The following CCAR1 variants were observed in gnomAD, a reference collection of about 807,000 sequenced individuals.
The protein encoded by CCAR1 is cell division cycle and apoptosis regulator protein 1.
A neutral mutation model predicts 163.8 loss-of-function variants in CCAR1; 78 were observed. The ratio of observed to expected loss-of-function variants is 0.48; its 90% CI spans 0.40 to 0.57. CCAR1 has a LOEUF of 0.57. Ranked by LOEUF, CCAR1 falls within the 20% of genes least tolerant of loss-of-function variation. CCAR1 has a pLI of 0.00. For missense variants in CCAR1, 1,019 were observed against 1,365.2 expected, an observed-to-expected ratio of 0.75 and a Z score of 4.00; for synonymous variants, 443 against 460.7, an observed-to-expected ratio of 0.96 and a Z score of 0.49.
At chr10:68,769,453 T>G (rs1009416227) in intron 17 of CCAR1, among the ~76,000 whole-genome samples, 2 of 152,104 alleles carry the variant, frequency 1.3e-5, no homozygotes, top group Non-Finnish European at 2.9e-5. Context: ...AAACCCCATC[T>G]CTACTAAAAA....
In CCAR1 at chr10:68,722,312, C is replaced by T. The variant is rs1237238259; in HGVS notation, c.-50-143C>T. Reference sequence around the variant, plus strand: ...TGCTGCATTTTGGATGTTCATTTGCCCTTTTTCTACTTAACAGTTGTTATT... The same window carrying T: ...TGCTGCATTTTGGATGTTCATTTGCTCTTTTTCTACTTAACAGTTGTTATT... On this transcript the variant is annotated intron_variant, in intron 1 of 24. Coordinates refer to ENST00000265872, the MANE Select transcript of CCAR1 (RefSeq NM_018237.4). The T allele has an allele frequency of 2.0e-5, 11 of 556,430 alleles. No individual in the cohort carries two copies. In the East Asian group the frequency reaches 2.3e-4, roughly 12 times the overall value. The allele number at this position is 556,430 out of a possible 1,614,324, so 34.5% of individuals were successfully genotyped here. A position where few individuals can be genotyped will look rare whatever the true frequency, so the allele number is the denominator to read the frequency against.
chr10:68,747,627 GC>G, intron 8 of CCAR1, 61 bp downstream of exon 8: 1 of 1,432,928 alleles, frequency 7.0e-7, no homozygotes, highest in South Asian at 1.3e-5. Context: ...ATGTAACTAT[GC>G]TTTTAATTAC....
intron 16 of CCAR1, among the ~76,000 whole-genome samples, chr10:68,762,395 G>A (rs1465836186): frequency 1.3e-5 from 2 of 151,924 alleles, no homozygotes; most frequent in Non-Finnish European, 2.9e-5. Flanking sequence ...CAGAAATTGA[G>A]TTCTAGTGAA....
At chr10:68,783,971 G>C (rs949582502) in intron 19 of CCAR1, among the ~76,000 whole-genome samples, 1 of 151,834 alleles carries the variant, frequency 6.6e-6, no homozygotes, top group Non-Finnish European at 1.5e-5. Flanking sequence ...TGTTAGCGAG[G>C]ATGGTCTCGA....
At chr10:68,725,358 A>G (rs1358373744) in intron 2 of CCAR1, among the ~76,000 whole-genome samples, 1 of 151,948 alleles carries the variant, frequency 6.6e-6, no homozygotes, top group East Asian at 1.9e-4. Context: ...AGATGGCACC[A>G]CTGTACTCCA....
In CCAR1 at chr10:68,761,112, AAAG is replaced by A; in HGVS notation, c.2032_2034del (p.Glu678del). The A allele has an allele frequency of 1.2e-6, 2 of 1,612,242 alleles. No individual in the cohort carries two copies. Among genetic ancestry groups the A allele is most frequent in the South Asian group, 1.1e-5 (1 of 90,800 alleles). ...AAAACAGCTTAAAGTAGAGGAACAAAAAGAAGAACAGAAGGAGTTAGAGAAATC... is the reference window on the plus strand; with the variant it reads ...AAAACAGCTTAAAGTAGAGGAACAAAAAGAACAGAAGGAGTTAGAGAAATC... On this transcript the variant is annotated inframe_deletion, in exon 16 of 25. Transcript: ENST00000265872.
chr10:68,723,078 T>G lies in CCAR1; in HGVS notation c.73+501T>G, dbSNP rs568337491. ...GTTTTACATAGTAGTTTGGACAGTT[T>G]TGTAGTTTTTTTTTTCCCCAAACAT... is the stretch of plus-strand genomic sequence containing the variant. On this transcript the variant is annotated intron_variant, in intron 2 of 24. Transcript: ENST00000265872. Among the ~76,000 whole-genome samples, 3 of 151,906 alleles carry G rather than the reference T, an allele frequency of 2.0e-5. No individual in the cohort carries two copies. In the South Asian group the frequency reaches 6.2e-4, roughly 32 times the overall value.
At chr10:68,769,144 T>G (rs1257447034) in intron 17 of CCAR1, among the ~76,000 whole-genome samples, 2 of 152,182 alleles carry the variant, frequency 1.3e-5, no homozygotes, top group Non-Finnish European at 2.9e-5. Flanking sequence ...ACCCAGCTAA[T>G]TTTTGTATTT....
chr10:68,742,212 A>AAT (rs2056192338), intron 5 of CCAR1, among the ~76,000 whole-genome samples, 164 bp from the exon 6 acceptor site: 1 of 152,210 alleles, frequency 6.6e-6, no homozygotes, highest in Non-Finnish European at 1.5e-5. Context: ...ATAGGCTAAA[A>AAT]ATAATTTATA....
At chr10:68,741,936 A>G (rs570082586) in intron 5 of CCAR1, among the ~76,000 whole-genome samples, 3 of 152,334 alleles carry the variant, frequency 2.0e-5, no homozygotes, top group East Asian at 3.9e-4. Flanking sequence ...CATAACTCCT[A>G]TTTTCAATAA....
chr10:68,738,323 G>T (rs1341576262), intron 4 of CCAR1, among the ~76,000 whole-genome samples: 2 of 152,152 alleles, frequency 1.3e-5, no homozygotes, highest in Non-Finnish European at 2.9e-5. Flanking sequence ...CTGAGACAGG[G>T]AGGCTGAGGC....
intron 22 of CCAR1, 21 bp from the exon 23 acceptor site, chr10:68,788,122 A>G: frequency 6.5e-7 from 1 of 1,533,396 alleles, no homozygotes; most frequent in South Asian, 1.3e-5. Context: ...TTACTAAAAT[A>G]TGGTATATTT....
intron 2 of CCAR1, among the ~76,000 whole-genome samples, chr10:68,725,027 A>C (rs1362046405): frequency 6.6e-6 from 1 of 152,090 alleles, no homozygotes; most frequent in Non-Finnish European, 1.5e-5. Context: ...AATCCCAACT[A>C]CTTGGGATGC....
chr10:68,780,986 C>G (rs531565048), intron 19 of CCAR1, among the ~76,000 whole-genome samples: 1 of 152,298 alleles, frequency 6.6e-6, no homozygotes, highest in South Asian at 2.1e-4. Flanking sequence ...AATCCCAGCA[C>G]TTTGGGAGGC....
At chr10:68,790,874 A>T (rs2133444482) in intron 24 of CCAR1, among the ~76,000 whole-genome samples, 1 of 151,842 alleles carries the variant, frequency 6.6e-6, no homozygotes, top group South Asian at 2.1e-4. Flanking sequence ...CAAAAAAAAA[A>T]AAAAAATAGA....
chr10:68,742,411 T>A lies in CCAR1; in HGVS notation c.360T>A (p.Ser120=). The change falls in exon 6 of 25, where the codon TCT becomes TCA. Residue 120 remains serine (S), a synonymous_variant. Coordinates refer to ENST00000265872, the MANE Select transcript of CCAR1 (RefSeq NM_018237.4). ...AVALPTSLSL[S]TPQPTAQITV... Reference sequence around the variant, plus strand: ...CACTGCCTACAAGCCTTAGCCTGTCTACTCCTCAGCCAACAGCACAAATAA... The same window carrying A: ...CACTGCCTACAAGCCTTAGCCTGTCAACTCCTCAGCCAACAGCACAAATAA... 6.2e-7 allele frequency: 1 copy of A among 1,614,124 alleles called. No individual in the cohort carries two copies.
intron 1 of CCAR1, chr10:68,721,691 C>A (rs774447197): frequency 1.3e-5 from 5 of 379,362 alleles, no homozygotes; most frequent in Admixed American, 3.0e-5. Flanking sequence ...CCAGGGCTCT[C>A]GGGAGCCATC....
At chr10:68,771,838 G>A (rs1402135854) in intron 18 of CCAR1, among the ~76,000 whole-genome samples, 3 of 151,974 alleles carry the variant, frequency 2.0e-5, no homozygotes, top group African/African-American at 7.2e-5. Context: ...AGCATCTACA[G>A]CTAGTTTTCT....
At chr10:68,745,464 G>T (rs1201589525) in intron 6 of CCAR1, among the ~76,000 whole-genome samples, 3 of 145,546 alleles carry the variant, frequency 2.1e-5, no homozygotes, top group Admixed American at 1.4e-4. Flanking sequence ...ACCACGTCCA[G>T]CTTTTTTTTT....
Sources: gnomAD v4.1 joint callset for allele counts (sites outside exome capture counted in the v4.1 genomes callset) on GRCh38, gnomAD v4.1.1 for gene constraint, MANE v1.5 for transcripts, NCBI Gene and HGNC (gene_info 2026-07-23, HGNC 2026-07-21) for gene names.